Variants in JPH2 observed in about 807,000 individuals in gnomAD.
JPH2 encodes the protein junctophilin 2, also known as junctophilin-2.
Under a neutral mutation model 55.9 loss-of-function variants are expected in JPH2, and 38 were observed. That is an observed-to-expected ratio of 0.68 (90% CI 0.52 to 0.89). The LOEUF (loss-of-function observed/expected upper bound fraction) is 0.89. JPH2 is among the 40% of genes least tolerant of loss of function. JPH2 has a pLI of 0.00. For synonymous variants in JPH2, 480 were observed against 472.4 expected, an observed-to-expected ratio of 1.02 and a Z score of -0.21; for missense variants, 964 against 1,037.6, an observed-to-expected ratio of 0.93 and a Z score of 0.97.
At position 44,109,207 on chromosome 20, in the gene JPH2, C is replaced by T. The variant is rs559044894; in HGVS notation, c.*4311G>A. On this transcript the variant is annotated 3_prime_UTR_variant, in exon 6 of 6. Coordinates refer to ENST00000372980, the MANE Select transcript of JPH2 (RefSeq NM_020433.5). ...CTTCCCTCTCTGTGATACCTTGAAC[C>T]AATCACTCCATCTCCCCAAGGCTCA... 2.0e-5 allele frequency among the ~76,000 whole-genome samples: 3 copies of T among 152,264 alleles called. No individual in the cohort carries two copies. The East Asian group carries it at 5.8e-4, about 29-fold the overall frequency.
At chr20:44,119,879 A>T (rs2072222758) in intron 2 of JPH2, among the ~76,000 whole-genome samples, 1 of 20,788 alleles carries the variant, frequency 4.8e-5, no homozygotes, top group Non-Finnish European at 8.6e-5. Context: ...ATCTCAAAAA[A>T]AAAAAAAAAA....
At chr20:44,145,954 A>G (rs1385213482) in intron 2 of JPH2, among the ~76,000 whole-genome samples, 3 of 152,022 alleles carry the variant, frequency 2.0e-5, no homozygotes, top group Non-Finnish European at 4.4e-5. Context: ...GACTGAAGGA[A>G]GCACGCTGGG....
At chr20:44,176,393 A>G (rs1175940349) in intron 1 of JPH2, among the ~76,000 whole-genome samples, 1 of 150,604 alleles carries the variant, frequency 6.6e-6, no homozygotes. Context: ...CCTGGGCTCA[A>G]GCAATCCTCC....
rs1158370131 is a variant in JPH2 at position 44,116,296 on chromosome 20, G to A, written c.1379C>T (p.Ala460Val). The A allele has an allele frequency of 3.9e-6, 6 of 1,539,114 alleles. No homozygotes were observed. Among genetic ancestry groups the A allele is most frequent in the East Asian group, 4.9e-5 (2 of 40,578 alleles). The change falls in exon 4 of 6, where the codon GCG becomes GTG. Residue 460 changes from alanine (A) to valine (V), a missense_variant. Transcript: ENST00000372980. ...CTCGCGGGGCGGCTGTGGGAGGCCC[G>A]CTGCGCCGGCGCCCCGGTCGGGGGG... ...LEPPDRGAGA[A>V]GLPQPPRESP...
rs3037626 is a variant in JPH2, at chr20:44,114,565, AGTGT to A, written c.*14+213_*14+216del. On this transcript the variant is annotated intron_variant, in intron 5 of 5. Transcript: ENST00000372980. ...CTGCAAACACTAAGCTAATGAAGTA[AGTGT>A]GTGTGTGTGTGTGTGTGTGTGTGTG... Among the ~76,000 whole-genome samples the A allele has an allele frequency of 0.078, 10,988 of 141,750 alleles. 576 individuals carry two copies. Among genetic ancestry groups the A allele is most frequent in the East Asian group, 0.19 (854 of 4,590 alleles). 93.0% of individuals were successfully genotyped at this position (141,750 alleles called of 152,430 possible). A position where few individuals can be genotyped will look rare whatever the true frequency, so the allele number is the denominator to read the frequency against.
chr20:44,151,308 G>A (rs939908644), intron 2 of JPH2, among the ~76,000 whole-genome samples: 39 of 152,188 alleles, frequency 2.6e-4, no homozygotes, highest in African/African-American at 9.4e-4. Flanking sequence ...CCTGAGGTCA[G>A]GGGTTTGAGA....
intron 1 of JPH2, among the ~76,000 whole-genome samples, chr20:44,161,813 A>T (rs987155473): frequency 3.4e-4 from 51 of 152,220 alleles, no homozygotes; most frequent in African/African-American, 1.2e-3. Flanking sequence ...TTCTCTCTAG[A>T]TGACTGCACA....
At chr20:44,132,275 A>G (rs1468247769) in intron 2 of JPH2, among the ~76,000 whole-genome samples, 1 of 151,582 alleles carries the variant, frequency 6.6e-6, no homozygotes, top group Non-Finnish European at 1.5e-5. Context: ...CTATATAGAG[A>G]ATATTTATGG....
At chr20:44,126,899 C>A (rs576265576) in intron 2 of JPH2, among the ~76,000 whole-genome samples, 1 of 152,350 alleles carries the variant, frequency 6.6e-6, no homozygotes, top group South Asian at 2.1e-4. Flanking sequence ...GCCTCAGTTT[C>A]TTCAACTCTG....
chr20:44,110,117 G>A lies in JPH2; in HGVS notation c.*3401C>T, dbSNP rs2072131801. ...GTGCTGTCTCCGACTAACCCTACCTGGCTCTGAGTCTCCAAACCTGGGGCT... is the reference window on the plus strand; with the variant it reads ...GTGCTGTCTCCGACTAACCCTACCTAGCTCTGAGTCTCCAAACCTGGGGCT... On this transcript the variant is annotated 3_prime_UTR_variant, in exon 6 of 6. Transcript: ENST00000372980. Among the ~76,000 whole-genome samples the A allele has an allele frequency of 6.6e-6, 1 of 152,032 alleles. No homozygotes were observed. Among genetic ancestry groups the A allele is most frequent in the South Asian group, 2.1e-4 (1 of 4,816 alleles).
chr20:44,183,850 C>T (rs993295453), intron 1 of JPH2, among the ~76,000 whole-genome samples: 6 of 152,130 alleles, frequency 3.9e-5, no homozygotes, highest in Admixed American at 6.6e-5. Context: ...AGCAAACTTT[C>T]GCTGGAAAGA....
At chr20:44,124,485 G>C (rs1448405591) in intron 2 of JPH2, among the ~76,000 whole-genome samples, 2 of 152,072 alleles carry the variant, frequency 1.3e-5, no homozygotes, top group East Asian at 3.9e-4. Flanking sequence ...ACTTTTCTGG[G>C]CACTGAAGAC....
chr20:44,160,558 G>C lies in JPH2; in HGVS notation c.380-151C>G. ...AGGGTCAGGGTGCACAGTGCTATGA[G>C]TGTTTGAGTCTACTCGAGTGTGCAA... On this transcript the variant is annotated intron_variant, in intron 1 of 5. Transcript: ENST00000372980. This position sits in a 1 kb window ranked among gnomAD's most constrained non-coding sequence, Gnocchi z 4.9. 1.3e-6 allele frequency: 1 copy of C among 784,090 alleles called. No homozygotes were observed. The highest frequency in any genetic ancestry group is 1.5e-5 in the South Asian group (1 of 66,812). The allele number at this position is 784,090 out of a possible 1,614,324, so 48.6% of individuals were successfully genotyped here.
In JPH2 at chr20:44,186,695, C is replaced by T; in HGVS notation, c.11G>A (p.Gly4Asp). The part of the protein sequence containing the change: MSG[G>D]RFDFDDGGAY... ...CCCTCCATCATCAAAGTCGAAGCGG[C>T]CCCCACTCATCTCATCATAGCCCCT... Residue 4 changes from glycine (G) to aspartate (D), a missense_variant, in exon 1 of 6, where the codon GGC becomes GAC. Transcript: ENST00000372980. The T allele has an allele frequency of 6.3e-7, 1 of 1,598,832 alleles. No individual in the cohort carries two copies. Among genetic ancestry groups the T allele is most frequent in the Non-Finnish European group, 8.5e-7 (1 of 1,179,242 alleles).
At position 44,110,695 on chromosome 20, in the gene JPH2, C is replaced by T. The variant is rs572710573; in HGVS notation, c.*2823G>A. Among the ~76,000 whole-genome samples, 4 of 152,302 alleles carry T rather than the reference C, an allele frequency of 2.6e-5. No individual in the cohort carries two copies. Among genetic ancestry groups the T allele is most frequent in the East Asian group, 3.9e-4 (2 of 5,188 alleles). ...ATCCACCTGCCTCAGCCTCCTCTAACGTGCTGGAATTATAGGTGTGAGCCA... is the reference window on the plus strand; with the variant it reads ...ATCCACCTGCCTCAGCCTCCTCTAATGTGCTGGAATTATAGGTGTGAGCCA... On this transcript the variant is annotated 3_prime_UTR_variant, in exon 6 of 6. Transcript: ENST00000372980.
In JPH2 at chr20:44,148,984, G is replaced by A. The variant is rs1464509989; in HGVS notation, c.1169+10634C>T. Among the ~76,000 whole-genome samples the A allele has an allele frequency of 3.3e-5, 5 of 151,652 alleles. No individual in the cohort carries two copies. In the East Asian group the frequency reaches 7.8e-4, roughly 24 times the overall value. On this transcript the variant is annotated intron_variant, in intron 2 of 5. Coordinates refer to ENST00000372980, the MANE Select transcript of JPH2 (RefSeq NM_020433.5). ...CGGGAGGCTGAGGCAGGAGAATGGCGTGAACCTGGTAGGCGGAGCTTGCAG... is the reference window on the plus strand; with the variant it reads ...CGGGAGGCTGAGGCAGGAGAATGGCATGAACCTGGTAGGCGGAGCTTGCAG...
At chr20:44,168,456 A>G (rs1329744536) in intron 1 of JPH2, among the ~76,000 whole-genome samples, 1 of 152,232 alleles carries the variant, frequency 6.6e-6, no homozygotes, top group Non-Finnish European at 1.5e-5. Context: ...TTTTTAAGTT[A>G]CATACATAGT....
chr20:44,168,772 G>A (rs942606200), intron 1 of JPH2, among the ~76,000 whole-genome samples: 2 of 152,170 alleles, frequency 1.3e-5, no homozygotes, highest in Non-Finnish European at 2.9e-5. Flanking sequence ...TGACCATTTC[G>A]GAAATGCAAG....
rs575711376 is a variant in JPH2 at position 44,125,130 on chromosome 20, A to G, written c.1170-6507T>C. Among the ~76,000 whole-genome samples the G allele has an allele frequency of 9.5e-3, 1,441 of 151,782 alleles. 31 individuals are homozygous for G. Among genetic ancestry groups the G allele is most frequent in the African/African-American group, 0.031 (1,301 of 41,374 alleles). On this transcript the variant is annotated intron_variant, in intron 2 of 5. Coordinates refer to ENST00000372980, the MANE Select transcript of JPH2 (RefSeq NM_020433.5). ...CTCTGGCTCAAAAAAAAAAAAAAAA[A>G]AGTAACATTTTGTGACACATGAAAA... is the stretch of plus-strand genomic sequence containing the variant.
Sources: gnomAD v4.1 joint callset for allele counts (sites outside exome capture counted in the v4.1 genomes callset) on GRCh38, gnomAD v4.1.1 for gene constraint, Gnocchi (gnomAD v3.1) non-coding constraint, MANE v1.5 for transcripts, NCBI Gene and HGNC (gene_info 2026-07-23, HGNC 2026-07-21) for gene names.